ABCC1: variants seen among roughly 807,000 people sequenced by gnomAD.
ABCC1 encodes the protein ATP binding cassette subfamily C member 1 (ABCC1 blood group).
ABCC1 carries 83 observed loss-of-function variants against 172.9 expected under a neutral mutation model. The observed-to-expected ratio is 0.48, with a 90% confidence interval of 0.40 to 0.58. The LOEUF (loss-of-function observed/expected upper bound fraction) is 0.58, where lower values mean the gene tolerates loss of function less well. Among genes scored for constraint, ABCC1 ranks in the 20% least tolerant of loss-of-function variants. ABCC1 has a pLI of 0.00. For synonymous variants in ABCC1, 937 were observed against 825.2 expected (o/e 1.14, Z -2.32); for missense variants, 1,817 against 2,002.7 (o/e 0.91, Z 1.77).
intron 19 of ABCC1, among the ~76,000 whole-genome samples, chr16:16,097,830 C>T (rs2051549749): frequency 1.3e-5 from 2 of 152,188 alleles, no homozygotes; most frequent in Non-Finnish European, 2.9e-5. Flanking sequence ...ATGGTGCCCC[C>T]CACGTTGAGT....
At chr16:15,954,796 G>C (rs71378214) in intron 1 of ABCC1, among the ~76,000 whole-genome samples, 15,096 of 152,028 alleles carry the variant, frequency 0.099, 805 homozygotes, top group Middle Eastern at 0.16. Flanking sequence ...GTGGTAGATG[G>C]GGGGGAAGAA....
chr16:16,090,286 G>A, intron 18 of ABCC1, 119 bp from the exon 19 acceptor site: 2 of 1,086,112 alleles, frequency 1.8e-6, no homozygotes, highest in South Asian at 3.5e-5. Context: ...CCCACCTTCA[G>A]ACCTGAGTTT....
At chr16:15,971,184 G>T (rs375449257) in intron 1 of ABCC1, among the ~76,000 whole-genome samples, 10 of 152,316 alleles carry the variant, frequency 6.6e-5, no homozygotes, top group African/African-American at 2.2e-4. Context: ...TGTCTGATTT[G>T]CATAGGCCTC....
At chr16:16,134,619 ATCGT>A (rs1378919307) in intron 28 of ABCC1, 111 bp downstream of exon 28, 25 of 757,728 alleles carry the variant, frequency 3.3e-5, no homozygotes, top group Middle Eastern at 3.7e-4. Flanking sequence ...GCCCTACTTC[ATCGT>A]TCTTTTTTTT....
chr16:16,046,891 C>T (rs762160725), intron 9 of ABCC1, among the ~76,000 whole-genome samples: 1 of 151,884 alleles, frequency 6.6e-6, no homozygotes, highest in Non-Finnish European at 1.5e-5. Context: ...TTAGACTCAC[C>T]TGGGGAGCTT....
intron 9 of ABCC1, among the ~76,000 whole-genome samples, 189 bp from the exon 10 acceptor site, chr16:16,047,953 C>G (rs35591): frequency 0.33 from 49,565 of 151,696 alleles, 9,086 homozygotes; most frequent in African/African-American, 0.5. Flanking sequence ...GCACTGAGCA[C>G]CGCGGATAAG....
chr16:15,996,761 T>C (rs927392777), intron 1 of ABCC1, among the ~76,000 whole-genome samples: 1 of 152,088 alleles, frequency 6.6e-6, no homozygotes, highest in African/African-American at 2.4e-5. Flanking sequence ...GCACGAGGAC[T>C]TCCATGATAA....
At chr16:16,097,631 CT>C (rs747131075) in intron 19 of ABCC1, among the ~76,000 whole-genome samples, 11 of 152,218 alleles carry the variant, frequency 7.2e-5, no homozygotes, top group Non-Finnish European at 1.2e-4. Context: ...ATTTCACCCC[CT>C]CTCAGGTCTG....
chr16:16,125,845 A>G lies in ABCC1; in HGVS notation c.3753A>G (p.Ser1251=), dbSNP rs2045409566. 3 of 1,613,918 alleles carry G rather than the reference A, an allele frequency of 1.9e-6. No homozygotes were observed. Among genetic ancestry groups the G allele is most frequent in the Non-Finnish European group, 2.5e-6 (3 of 1,180,022 alleles). ...TTYLNWLVRM[S]SEMETNIVAV... Reference sequence around the variant, plus strand: ...ACTTGAACTGGCTGGTTCGGATGTCATCTGAAATGGAAACCAACATCGTGG... The same window carrying G: ...ACTTGAACTGGCTGGTTCGGATGTCGTCTGAAATGGAAACCAACATCGTGG... The change falls in exon 26 of 31, where the codon TCA becomes TCG. Residue 1251 remains serine, a synonymous_variant. Coordinates refer to ENST00000399410, the MANE Select transcript of ABCC1 (RefSeq NM_004996.4).
At chr16:16,125,974 C>G in intron 26 of ABCC1, 63 bp downstream of exon 26, 2 of 1,298,712 alleles carry the variant, frequency 1.5e-6, no homozygotes, top group Non-Finnish European at 2.2e-6. Context: ...AAGGAGATCT[C>G]TGGACCCTAT....
intron 27 of ABCC1, among the ~76,000 whole-genome samples, chr16:16,133,438 C>T (rs543804445): frequency 6.6e-6 from 1 of 152,160 alleles, no homozygotes; most frequent in South Asian, 2.1e-4. Context: ...GCCTCTCACT[C>T]TGTCACCCAG....
At chr16:16,095,741 G>T (rs2152036934) in intron 19 of ABCC1, among the ~76,000 whole-genome samples, 1 of 151,994 alleles carries the variant, frequency 6.6e-6, no homozygotes, top group Admixed American at 6.6e-5. Context: ...GCCCAGGCTG[G>T]TCTCGAACTC....
At position 16,141,222 on chromosome 16, in the gene ABCC1, G is replaced by C. The variant is rs566054736; in HGVS notation, c.4537G>C (p.Asp1513His). The part of the protein sequence containing the change: ...GEIQEYGAPS[D>H]LLQQRGLFYS... ...AATCCAGGAGTACGGCGCCCCATCG[G>C]ACCTCCTGCAGCAGAGAGGTCTTTT... is the stretch of plus-strand genomic sequence containing the variant. Residue 1513 changes from aspartate to histidine, a missense_variant, in exon 31 of 31, where the codon GAC becomes CAC. Asp to His is a moderately conservative substitution (Grantham distance 81). Around this residue, in one of 3 missense-constraint regions of ABCC1, gnomAD observed 1,412 missense variants for 1,600.3 expected, o/e 0.88. Coordinates refer to ENST00000399410, the MANE Select transcript of ABCC1 (RefSeq NM_004996.4). 1 of 1,614,030 alleles carries C rather than the reference G, an allele frequency of 6.2e-7. No individual in the cohort carries two copies. The highest frequency in any genetic ancestry group is 8.5e-7 in the Non-Finnish European group (1 of 1,180,016).
At chr16:16,039,692 G>A (rs2151858022) in intron 7 of ABCC1, among the ~76,000 whole-genome samples, 1 of 152,274 alleles carries the variant, frequency 6.6e-6, no homozygotes, top group South Asian at 2.1e-4. Flanking sequence ...GGCATCCTGA[G>A]TGTTACTGCT....
At chr16:16,108,679 T>C (rs1464324917) in intron 21 of ABCC1, among the ~76,000 whole-genome samples, 1 of 149,762 alleles carries the variant, frequency 6.7e-6, no homozygotes, top group Non-Finnish European at 1.5e-5. Flanking sequence ...AACTGCAGCC[T>C]CCACCTCCCG....
chr16:16,039,260 T>TTTTC (rs1321696956), intron 7 of ABCC1, among the ~76,000 whole-genome samples: 5 of 128,204 alleles, frequency 3.9e-5, no homozygotes, highest in African/African-American at 1.8e-4. Context: ...TGTGTGTGTG[T>TTTTC]GTTTTCTTTT....
chr16:16,130,811 C>T (rs2045645823), intron 26 of ABCC1, among the ~76,000 whole-genome samples: 1 of 152,178 alleles, frequency 6.6e-6, no homozygotes, highest in Non-Finnish European at 1.5e-5. Context: ...AAAAGTTTAC[C>T]TATCATGTTC....
At chr16:16,006,581 A>G (rs539055038) in intron 1 of ABCC1, among the ~76,000 whole-genome samples, 53 of 149,266 alleles carry the variant, frequency 3.6e-4, no homozygotes, top group African/African-American at 1.3e-3. Flanking sequence ...TTTTTTAAGT[A>G]AAAGTAATTG....
At chr16:16,078,392 C>G (rs758756177) in intron 15 of ABCC1, among the ~76,000 whole-genome samples, 1 of 152,046 alleles carries the variant, frequency 6.6e-6, no homozygotes, top group Non-Finnish European at 1.5e-5. Flanking sequence ...TTCTGCTGTT[C>G]GTTAAAGGAT....
Sources: allele counts gnomAD v4.1 joint callset (sites outside exome capture counted in the v4.1 genomes callset), GRCh38; gene constraint gnomAD v4.1.1; regional missense constraint gnomAD v4.1.1; transcripts MANE v1.5; gene names NCBI Gene and HGNC (gene_info 2026-07-23, HGNC 2026-07-21).